Variants in CTNNA2 observed in about 807,000 individuals in gnomAD.
CTNNA2 encodes the protein catenin alpha 2, also known as catenin alpha-2.
In CTNNA2, 42 loss-of-function variants were observed where a neutral mutation model predicts 101.0. That is an observed-to-expected ratio of 0.42 (90% CI 0.32 to 0.54). The LOEUF (loss-of-function observed/expected upper bound fraction) is 0.54. Among genes scored for constraint, CTNNA2 ranks in the 20% least tolerant of loss-of-function variants. The probability of loss-of-function intolerance (pLI) is 0.14; values close to 1 mark genes in which losing one functional copy is unlikely to be tolerated. For missense variants in CTNNA2, 871 were observed against 1,223.1 expected (o/e 0.71, Z 4.29); for synonymous variants, 450 against 456.4 (o/e 0.99, Z 0.18).
chr2:79,216,438 C>T (rs553430348), intron 2 of CTNNA2, among the ~76,000 whole-genome samples: 104 of 150,634 alleles, frequency 6.9e-4, no homozygotes, highest in South Asian at 2.5e-3. Context: ...GATAAGAGGT[C>T]GGAGCATGGA....
intron 7 of CTNNA2, among the ~76,000 whole-genome samples, chr2:79,930,650 A>C (rs72918685): frequency 6.6e-6 from 1 of 152,170 alleles, no homozygotes; most frequent in East Asian, 1.9e-4. Context: ...ATTCTGGGCA[A>C]GTTTTCTCCA....
chr2:80,582,275 C>T (rs1231697119), intron 14 of CTNNA2, among the ~76,000 whole-genome samples: 3 of 152,096 alleles, frequency 2.0e-5, no homozygotes, highest in Admixed American at 2.0e-4. Flanking sequence ...ATACAATGGC[C>T]TATGTTCTAT....
At chr2:79,646,341 A>T (rs905739745) in intron 1 of CTNNA2, among the ~76,000 whole-genome samples, 4 of 151,926 alleles carry the variant, frequency 2.6e-5, no homozygotes, top group Non-Finnish European at 4.4e-5. Flanking sequence ...AGCCCATTTT[A>T]CTCTGACTTT....
In CTNNA2 at chr2:80,188,334, C is replaced by T. The variant is rs1706262998; in HGVS notation, c.1057-204877C>T. On this transcript the variant is annotated intron_variant, in intron 7 of 18. Coordinates refer to ENST00000402739, the MANE Select transcript of CTNNA2 (RefSeq NM_001282597.3). ...TTTAGTTTTTCTTTTTCTTTTTAAG[C>T]AAATTCCTCTGCCCATTTTGTGACA... Among the ~76,000 whole-genome samples, 3 of 152,106 alleles carry T rather than the reference C, an allele frequency of 2.0e-5. No homozygotes were observed. The South Asian group carries it at 6.2e-4, about 32-fold the overall frequency.
At chr2:80,185,002 A>T (rs182696806) in intron 7 of CTNNA2, among the ~76,000 whole-genome samples, 2 of 152,190 alleles carry the variant, frequency 1.3e-5, no homozygotes, top group African/African-American at 4.8e-5. Flanking sequence ...GTAATAAATT[A>T]TCCCAAAACT....
intron 7 of CTNNA2, among the ~76,000 whole-genome samples, chr2:80,011,758 G>A (rs1025082407): frequency 2.6e-5 from 4 of 152,004 alleles, no homozygotes; most frequent in African/African-American, 9.7e-5. Context: ...TCCCATATAT[G>A]CTTTCAACAA....
At chr2:80,263,326 G>C (rs953157684) in intron 7 of CTNNA2, among the ~76,000 whole-genome samples, 1 of 152,180 alleles carries the variant, frequency 6.6e-6, no homozygotes, top group Non-Finnish European at 1.5e-5. Context: ...ATTTTGTGAA[G>C]TGAATTTATA....
chr2:80,162,236 C>T (rs1445997759), intron 7 of CTNNA2, among the ~76,000 whole-genome samples: 2 of 152,176 alleles, frequency 1.3e-5, no homozygotes, highest in East Asian at 1.9e-4. Flanking sequence ...TGCATAAAAC[C>T]CTTTCCTCTT....
chr2:79,625,035 A>G (rs1009201424), intron 1 of CTNNA2, among the ~76,000 whole-genome samples: 1 of 152,222 alleles, frequency 6.6e-6, no homozygotes, highest in Non-Finnish European at 1.5e-5. Context: ...TGGAAGGCAC[A>G]CAAAAGACAT....
At chr2:80,136,268 T>G (rs1233377582) in intron 7 of CTNNA2, among the ~76,000 whole-genome samples, 1 of 152,172 alleles carries the variant, frequency 6.6e-6, no homozygotes, top group Non-Finnish European at 1.5e-5. Flanking sequence ...TGGGAAACTT[T>G]GCCAAAACCT....
At chr2:80,193,451 G>A (rs1706651983) in intron 7 of CTNNA2, among the ~76,000 whole-genome samples, 1 of 152,168 alleles carries the variant, frequency 6.6e-6, no homozygotes, top group South Asian at 2.1e-4. Context: ...AGGCATGTAT[G>A]CATTCTCACT....
chr2:79,341,805 A>T (rs1573098486), intron 3 of CTNNA2, among the ~76,000 whole-genome samples: 1 of 152,356 alleles, frequency 6.6e-6, no homozygotes, highest in East Asian at 1.9e-4. Flanking sequence ...TATATAGCCC[A>T]GTGGGAATCA....
At chr2:79,426,348 G>C (rs1431467008) in intron 4 of CTNNA2, among the ~76,000 whole-genome samples, 4 of 152,130 alleles carry the variant, frequency 2.6e-5, no homozygotes, top group Non-Finnish European at 5.9e-5. Flanking sequence ...GCAGTTCAAA[G>C]AGAGATGTTC....
chr2:79,312,503 G>C (rs965687244), intron 2 of CTNNA2, among the ~76,000 whole-genome samples: 1 of 152,168 alleles, frequency 6.6e-6, no homozygotes, highest in African/African-American at 2.4e-5. Context: ...AATTATGACA[G>C]GCACCTGTTA....
At chr2:79,699,413 G>C (rs1157698323) in intron 2 of CTNNA2, among the ~76,000 whole-genome samples, 1 of 151,766 alleles carries the variant, frequency 6.6e-6, no homozygotes, top group Non-Finnish European at 1.5e-5. Context: ...TGGATATGTT[G>C]GTTCTTAGTA....
intron 4 of CTNNA2, among the ~76,000 whole-genome samples, chr2:79,464,075 C>T (rs1251075782): frequency 1.3e-5 from 2 of 151,616 alleles, no homozygotes; most frequent in Non-Finnish European, 2.9e-5. Flanking sequence ...TGTTGGTGTG[C>T]TGCACTCATT....
intron 7 of CTNNA2, among the ~76,000 whole-genome samples, chr2:80,234,798 C>T (rs1709456527): frequency 1.3e-5 from 2 of 148,308 alleles, no homozygotes; most frequent in African/African-American, 5.2e-5. Context: ...TTCTTCTATT[C>T]CAAAAGTTGG....
intron 3 of CTNNA2, among the ~76,000 whole-genome samples, chr2:79,331,403 C>T (rs1036887043): frequency 4.6e-5 from 7 of 152,194 alleles, no homozygotes; most frequent in African/African-American, 1.7e-4. Flanking sequence ...CAGTCAGATC[C>T]TCACACAGCC....
In CTNNA2 at chr2:79,782,527, G is replaced by T. The variant is rs547929622; in HGVS notation, c.298+37945G>T. Among the ~76,000 whole-genome samples, 8 of 152,200 alleles carry T rather than the reference G, an allele frequency of 5.3e-5. No individual in the cohort carries two copies. The South Asian group carries it at 1.5e-3, about 28-fold the overall frequency. On this transcript the variant is annotated intron_variant, in intron 3 of 18. Coordinates refer to ENST00000402739, the MANE Select transcript of CTNNA2 (RefSeq NM_001282597.3). ...GCTGGAATTACAGGCGTGAGCCACC[G>T]CACCTGGCCTGCTTGCCTTCTTTTA...
Sources: allele counts gnomAD v4.1 joint callset (sites outside exome capture counted in the v4.1 genomes callset), GRCh38; gene constraint gnomAD v4.1.1; transcripts MANE v1.5; gene names NCBI Gene and HGNC (gene_info 2026-07-23, HGNC 2026-07-21).